The following F13A1 variants were observed in gnomAD, a reference collection of about 807,000 sequenced individuals.
The protein encoded by F13A1 is FSF, A subunit.
In F13A1, 47 loss-of-function variants were observed where a neutral mutation model predicts 80.1. The observed-to-expected ratio is 0.59, with a 90% CI of 0.46 to 0.75. The LOEUF (loss-of-function observed/expected upper bound fraction) is 0.75. Among genes scored for constraint, F13A1 ranks in the 30% least tolerant of loss-of-function variants. The pLI is 0.00. For synonymous variants in F13A1, 349 were observed against 344.9 expected (o/e 1.01, Z -0.13); for missense variants, 817 against 930.4 (o/e 0.88, Z 1.59).
intron 12 of F13A1, among the ~76,000 whole-genome samples, chr6:6,171,069 A>C (rs771090716): frequency 4.6e-5 from 7 of 152,154 alleles, no homozygotes; most frequent in Non-Finnish European, 7.3e-5. Context: ...ATACAAGCTC[A>C]TTCTTTAATT....
chr6:6,180,488 A>C (rs1201302079), intron 11 of F13A1, among the ~76,000 whole-genome samples: 1 of 152,212 alleles, frequency 6.6e-6, no homozygotes, highest in Non-Finnish European at 1.5e-5. Context: ...TGTATGAATG[A>C]GTGGATGTTG....
chr6:6,243,768 T>A lies in F13A1; in HGVS notation c.798+4544A>T, dbSNP rs1300007125. On this transcript the variant is annotated intron_variant, in intron 6 of 14. Transcript: ENST00000264870. This position sits in a 1 kb window ranked among gnomAD's most constrained non-coding sequence, Gnocchi z 4.2. The stretch of plus-strand genomic sequence containing the variant: ...GGAGAGTCCTCCCCATTGCACACGC[T>A]GGTTCAGCATGTGTTTCGACACAGA... Among the ~76,000 whole-genome samples, 1 of 152,178 alleles carries A rather than the reference T, an allele frequency of 6.6e-6. No homozygotes were observed.
intron 12 of F13A1, among the ~76,000 whole-genome samples, chr6:6,169,136 G>T (rs1399549819): frequency 6.6e-6 from 1 of 152,142 alleles, no homozygotes; most frequent in Non-Finnish European, 1.5e-5. Context: ...GGAGGACCTA[G>T]ACATCTGTAT....
At chr6:6,207,309 CTCTGAAAAGCTCCAT>C (rs1299858120) in intron 8 of F13A1, among the ~76,000 whole-genome samples, 1 of 152,186 alleles carries the variant, frequency 6.6e-6, no homozygotes, top group African/African-American at 2.4e-5. Flanking sequence ...CCTGGCAGCT[CTCTGAAAAGCTCCAT>C]TCTCAGGGCT....
intron 8 of F13A1, among the ~76,000 whole-genome samples, chr6:6,210,914 A>G (rs1268449132): frequency 6.6e-6 from 1 of 151,972 alleles, no homozygotes; most frequent in Admixed American, 6.6e-5. Context: ...TATTTTTAGT[A>G]GAGACAGGTT....
intron 13 of F13A1, among the ~76,000 whole-genome samples, chr6:6,154,719 A>C (rs565047129): frequency 6.6e-6 from 1 of 152,338 alleles, no homozygotes; most frequent in South Asian, 2.1e-4. Flanking sequence ...AATACTTTAC[A>C]TGGTGTCCCT....
rs779843015 is a variant in F13A1 at position 6,224,793 on chromosome 6, G to C, written c.866C>G (p.Pro289Arg). 6.2e-7 allele frequency: 1 copy of C among 1,614,122 alleles called. No individual in the cohort carries two copies. Among genetic ancestry groups the C allele is most frequent in the East Asian group, 2.2e-5 (1 of 44,888 alleles). Residue 289 changes from proline to arginine, a missense_variant, in exon 7 of 15, where the codon CCC becomes CGC. Transcript: ENST00000264870. ...SWDNIYAYGV[P>R]PSAWTGSVDI... ...AACGCTTCCAGTCCAGGCCGATGGG[G>C]GGACGCCATAGGCATAGATATTGTC...
chr6:6,275,173 T>C (rs1322347644), intron 3 of F13A1, among the ~76,000 whole-genome samples: 2 of 151,576 alleles, frequency 1.3e-5, no homozygotes, highest in African/African-American at 4.8e-5. Flanking sequence ...AAGGGAGGCA[T>C]GATGGTGTCT....
At chr6:6,249,118 G>A (rs770886360) in intron 5 of F13A1, among the ~76,000 whole-genome samples, 13 of 152,190 alleles carry the variant, frequency 8.5e-5, no homozygotes, top group Non-Finnish European at 1.6e-4. Context: ...AGCAAGACAG[G>A]AAGATTTTAC....
intron 8 of F13A1, among the ~76,000 whole-genome samples, chr6:6,218,205 G>A (rs1299337144): frequency 2.0e-5 from 3 of 152,106 alleles, no homozygotes; most frequent in Non-Finnish European, 2.9e-5. Flanking sequence ...AAGTGCCAAC[G>A]TCTCTGTCTT....
intron 8 of F13A1, among the ~76,000 whole-genome samples, chr6:6,213,145 C>A (rs1422657088): frequency 1.3e-5 from 2 of 152,188 alleles, no homozygotes; most frequent in Admixed American, 1.3e-4. Flanking sequence ...TCTAGCAAGG[C>A]AGGCCAACGT....
intron 2 of F13A1, among the ~76,000 whole-genome samples, chr6:6,307,627 T>A (rs556283489): frequency 6.6e-6 from 1 of 152,276 alleles, no homozygotes; most frequent in South Asian, 2.1e-4. Context: ...CCAGCACCAA[T>A]GGAAGGAATA....
At chr6:6,220,786 C>CT (rs1757181907) in intron 8 of F13A1, among the ~76,000 whole-genome samples, 1 of 152,138 alleles carries the variant, frequency 6.6e-6, no homozygotes. Context: ...AAGGTTTTGT[C>CT]TTACACGTGC....
chr6:6,225,473 T>C (rs936692734), intron 6 of F13A1, among the ~76,000 whole-genome samples: 1 of 152,098 alleles, frequency 6.6e-6, no homozygotes, highest in African/African-American at 2.4e-5. Context: ...CAGAGGTTTT[T>C]TGTTTTTGTT....
intron 13 of F13A1, among the ~76,000 whole-genome samples, chr6:6,153,100 A>G (rs1760406719): frequency 6.6e-6 from 1 of 152,222 alleles, no homozygotes; most frequent in Non-Finnish European, 1.5e-5. Context: ...TTAGTACTTC[A>G]ATACCAATGT....
chr6:6,289,743 T>C (rs1168341849), intron 3 of F13A1, among the ~76,000 whole-genome samples: 1 of 152,110 alleles, frequency 6.6e-6, no homozygotes, highest in Non-Finnish European at 1.5e-5. Context: ...TAGAATTACA[T>C]CTAAACTTCT....
chr6:6,226,933 G>A (rs942637291), intron 6 of F13A1, among the ~76,000 whole-genome samples: 1 of 152,066 alleles, frequency 6.6e-6, no homozygotes, highest in African/African-American at 2.4e-5. Context: ...GGTGATGCTG[G>A]GGGGCCTAAT....
At chr6:6,146,969 C>T (rs1033804141) in intron 14 of F13A1, among the ~76,000 whole-genome samples, 5 of 152,144 alleles carry the variant, frequency 3.3e-5, no homozygotes, top group African/African-American at 1.2e-4. Context: ...GAATACTACT[C>T]AGCCATAAAA....
chr6:6,284,989 CCT>C (rs1299986126), intron 3 of F13A1, among the ~76,000 whole-genome samples: 2 of 152,194 alleles, frequency 1.3e-5, no homozygotes, highest in Non-Finnish European at 2.9e-5. Context: ...TTGTGGAATT[CCT>C]CTCACTCCAA....
Sources: allele counts gnomAD v4.1 joint callset (sites outside exome capture counted in the v4.1 genomes callset), GRCh38; gene constraint gnomAD v4.1.1; non-coding constraint Gnocchi (gnomAD v3.1); transcripts MANE v1.5; gene names NCBI Gene and HGNC (gene_info 2026-07-23, HGNC 2026-07-21).